The following TGFA variants were observed in gnomAD, a reference collection of about 807,000 sequenced individuals.
TGFA encodes protransforming growth factor alpha.
TGFA carries 12 observed loss-of-function variants against 21.7 expected under a neutral mutation model. The ratio of observed to expected loss-of-function variants is 0.55; its 90% CI spans 0.35 to 0.90. TGFA has a LOEUF of 0.90. TGFA is among the 40% of genes least tolerant of loss of function. TGFA has a pLI of 0.01. For missense variants in TGFA, 178 were observed against 210.8 expected, an observed-to-expected ratio of 0.84 and a Z score of 0.96; for synonymous variants, 79 against 88.1, an observed-to-expected ratio of 0.90 and a Z score of 0.58.
At chr2:70,466,283 C>T (rs782464792) in intron 2 of TGFA, among the ~76,000 whole-genome samples, 32 of 152,234 alleles carry the variant, frequency 2.1e-4, no homozygotes, top group East Asian at 1.2e-3. Flanking sequence ...CCGAGGCAGA[C>T]GGATCATGAG....
chr2:70,540,541 A>C (rs1673104600), intron 1 of TGFA, among the ~76,000 whole-genome samples: 1 of 152,210 alleles, frequency 6.6e-6, no homozygotes. Flanking sequence ...ACACCCAAAG[A>C]ATTAAAATTT....
chr2:70,465,838 G>A (rs1670540445), intron 2 of TGFA, 102 bp from the exon 3 acceptor site: 2 of 1,525,320 alleles, frequency 1.3e-6, no homozygotes, highest in Non-Finnish European at 1.8e-6. Context: ...CCTGATGGCT[G>A]GGACTTTGGG....
At chr2:70,465,280 A>G (rs182451869) in intron 3 of TGFA, among the ~76,000 whole-genome samples, 217 of 152,364 alleles carry the variant, frequency 1.4e-3, no homozygotes, top group African/African-American at 5.1e-3. Context: ...CTTGTGCTCC[A>G]GAAATTCTAA....
chr2:70,544,624 G>C (rs1043139198), intron 1 of TGFA, among the ~76,000 whole-genome samples: 7 of 152,318 alleles, frequency 4.6e-5, no homozygotes, highest in Middle Eastern at 3.4e-3. Context: ...TCCCAGCACA[G>C]AACAGGTGCT....
At chr2:70,537,094 T>G (rs1441726014) in intron 1 of TGFA, among the ~76,000 whole-genome samples, 11 of 150,956 alleles carry the variant, frequency 7.3e-5, no homozygotes, top group African/African-American at 2.7e-4. Context: ...ATAATCACAA[T>G]TCATTATTAT....
At chr2:70,525,058 C>T (rs1559135443) in intron 1 of TGFA, among the ~76,000 whole-genome samples, 1 of 152,222 alleles carries the variant, frequency 6.6e-6, no homozygotes, top group Non-Finnish European at 1.5e-5. Flanking sequence ...CCCCTCAGCT[C>T]AGTCAAAGCC....
rs530701189 is a variant in TGFA at position 70,525,566 on chromosome 2, G to A, written c.41-10654C>T. Among the ~76,000 whole-genome samples the A allele has an allele frequency of 1.6e-4, 24 of 152,320 alleles. No individual in the cohort carries two copies. In the South Asian group the frequency reaches 4.3e-3, roughly 28 times the overall value. ...CACATTTCTCAACCCACATCACACT[G>A]CAAACTGGCAGAATCTCTAAGTTCT... On this transcript the variant is annotated intron_variant, in intron 1 of 5. Coordinates refer to ENST00000295400, the MANE Select transcript of TGFA (RefSeq NM_003236.4).
chr2:70,474,014 A>G (rs1452269374), intron 2 of TGFA, among the ~76,000 whole-genome samples: 1 of 152,212 alleles, frequency 6.6e-6, no homozygotes, highest in African/African-American at 2.4e-5. Flanking sequence ...TATTTTTCCT[A>G]TAACATAATC....
At chr2:70,512,011 C>T (rs1384034548) in intron 2 of TGFA, among the ~76,000 whole-genome samples, 2 of 141,430 alleles carry the variant, frequency 1.4e-5, no homozygotes, top group African/African-American at 5.0e-5. Flanking sequence ...GATTTCAGCC[C>T]TGTGCGGTGA....
At chr2:70,469,041 A>C (rs559114430) in intron 2 of TGFA, among the ~76,000 whole-genome samples, 1 of 152,232 alleles carries the variant, frequency 6.6e-6, no homozygotes, top group East Asian at 1.9e-4. Flanking sequence ...GGCTTTTGAC[A>C]GGCTCCACAA....
chr2:70,553,095 C>A, intron 1 of TGFA: 1 of 1,386,486 alleles, frequency 7.2e-7, no homozygotes, highest in Non-Finnish European at 9.8e-7. Context: ...TCTAGGGTTT[C>A]GCTCCTGCCC....
intron 2 of TGFA, among the ~76,000 whole-genome samples, chr2:70,470,493 TCTC>T (rs1429053684): frequency 6.6e-6 from 1 of 152,198 alleles, no homozygotes; most frequent in Non-Finnish European, 1.5e-5. Context: ...GAGAGCAACT[TCTC>T]TTCTTCTGCG....
chr2:70,471,453 G>A (rs1433343939), intron 2 of TGFA, among the ~76,000 whole-genome samples: 1 of 152,254 alleles, frequency 6.6e-6, no homozygotes, highest in Non-Finnish European at 1.5e-5. Flanking sequence ...CCCCTAGGGT[G>A]CTGTACGAGC....
chr2:70,451,780 G>A, intron 5 of TGFA: 2 of 701,552 alleles, frequency 2.9e-6, no homozygotes, highest in South Asian at 1.5e-5. Context: ...GATGTTGAGA[G>A]GGGGCTTTAG....
intron 2 of TGFA, among the ~76,000 whole-genome samples, chr2:70,499,407 G>T (rs781800283): frequency 2.6e-5 from 4 of 152,200 alleles, no homozygotes; most frequent in Non-Finnish European, 5.9e-5. Context: ...CCCAGGGCCC[G>T]CAGTGGACAC....
At chr2:70,523,829 A>C (rs1202991146) in intron 1 of TGFA, among the ~76,000 whole-genome samples, 1 of 152,202 alleles carries the variant, frequency 6.6e-6, no homozygotes, top group African/African-American at 2.4e-5. Flanking sequence ...AACTCTTTAG[A>C]GTCAATGCCA....
At chr2:70,489,036 A>C (rs1367747844) in intron 2 of TGFA, among the ~76,000 whole-genome samples, 2 of 152,172 alleles carry the variant, frequency 1.3e-5, no homozygotes, top group Non-Finnish European at 2.9e-5. Context: ...ATGGCACAAA[A>C]GATTCCGAGT....
At chr2:70,547,882 T>A (rs1309829867) in intron 1 of TGFA, among the ~76,000 whole-genome samples, 4 of 148,868 alleles carry the variant, frequency 2.7e-5, no homozygotes, top group African/African-American at 9.8e-5. Flanking sequence ...TATATATCTA[T>A]AGATAGATAG....
Position 70,450,689 on chromosome 2 carries a change from A to T in TGFA, c.*170T>A. The T allele has an allele frequency of 1.5e-6, 1 of 673,088 alleles. No individual in the cohort carries two copies. Among genetic ancestry groups the T allele is most frequent in the Non-Finnish European group, 2.6e-6 (1 of 382,124 alleles). The allele number at this position is 673,088 out of a possible 1,614,324, so 41.7% of individuals were successfully genotyped here. A position where few individuals can be genotyped will look rare whatever the true frequency, so the allele number is the denominator to read the frequency against. ...GGTCACACTGAATAACCCCAAGCAG[A>T]CGGAGTTCTTGACAGAGTTTTGAAG... On this transcript the variant is annotated 3_prime_UTR_variant, in exon 6 of 6. Coordinates refer to ENST00000295400, the MANE Select transcript of TGFA (RefSeq NM_003236.4).
Sources: gnomAD v4.1 joint callset for allele counts (sites outside exome capture counted in the v4.1 genomes callset) on GRCh38, gnomAD v4.1.1 for gene constraint, MANE v1.5 for transcripts, NCBI Gene and HGNC (gene_info 2026-07-23, HGNC 2026-07-21) for gene names.